VPS45: variants seen among roughly 807,000 people sequenced by gnomAD.
The protein encoded by VPS45 is vacuolar protein sorting-associated protein 45.
In VPS45, 35 loss-of-function variants were observed where a neutral mutation model predicts 75.9. The observed-to-expected ratio is 0.46, with a 90% CI of 0.35 to 0.61. The LOEUF (loss-of-function observed/expected upper bound fraction) is 0.61. VPS45 is among the 20% of genes least tolerant of loss of function. The pLI, the probability that VPS45 is intolerant of heterozygous loss-of-function variation, is 0.00. For missense variants in VPS45, 559 were observed against 685.9 expected (o/e 0.81, Z 2.07); for synonymous variants, 220 against 238.2 (o/e 0.92, Z 0.70).
chr1:150,144,455 G>A (rs1299296814), intron 14 of VPS45, among the ~76,000 whole-genome samples: 1 of 145,766 alleles, frequency 6.9e-6, no homozygotes, highest in Non-Finnish European at 1.5e-5. Flanking sequence ...TGAAATGTTA[G>A]TCTTAATAGA....
At chr1:150,133,396 A>G (rs1658924524) in intron 14 of VPS45, among the ~76,000 whole-genome samples, 1 of 151,914 alleles carries the variant, frequency 6.6e-6, no homozygotes, top group East Asian at 1.9e-4. Flanking sequence ...CTAAAAAAAA[A>G]TACAAAAATT....
At chr1:150,098,830 A>AC (rs1559919471) in intron 13 of VPS45, 1 of 1,242,754 alleles carries the variant, frequency 8.0e-7, no homozygotes. Flanking sequence ...TTTCAAGCTA[A>AC]TTTTTTTTTC....
rs186004551 is a variant in VPS45 at position 150,113,379 on chromosome 1, T to C, written c.1625+2752T>C. Among the ~76,000 whole-genome samples the C allele has an allele frequency of 7.2e-3, 1,098 of 152,276 alleles. 8 individuals carry two copies. The highest frequency in any genetic ancestry group is 0.012 in the Non-Finnish European group (786 of 68,018). On this transcript the variant is annotated intron_variant, in intron 14 of 14. Coordinates refer to ENST00000644510, the MANE Select transcript of VPS45 (RefSeq NM_007259.5). The stretch of plus-strand genomic sequence containing the variant: ...AGTTATTTCATTATGTACGGAAAAG[T>C]ATATAAATGATAAACAGCTCAGTAA...
chr1:150,122,088 A>G (rs1205335090), intron 14 of VPS45, among the ~76,000 whole-genome samples: 1 of 152,148 alleles, frequency 6.6e-6, no homozygotes, highest in Non-Finnish European at 1.5e-5. Context: ...TGGGGGGCCA[A>G]GGCGGCCGGA....
At chr1:150,069,559 C>T (rs1654921149) in intron 2 of VPS45, among the ~76,000 whole-genome samples, 1 of 150,008 alleles carries the variant, frequency 6.7e-6, no homozygotes, top group South Asian at 2.1e-4. Flanking sequence ...CGGGTTCACG[C>T]CATTCTCCTG....
intron 13 of VPS45, among the ~76,000 whole-genome samples, chr1:150,099,429 G>T (rs913114671): frequency 6.6e-6 from 1 of 151,432 alleles, no homozygotes; most frequent in African/African-American, 2.4e-5. Flanking sequence ...AGGAGAATTG[G>T]CTGAACCCGG....
At chr1:150,114,278 G>A (rs1657802409) in intron 14 of VPS45, among the ~76,000 whole-genome samples, 1 of 151,870 alleles carries the variant, frequency 6.6e-6, no homozygotes, top group Non-Finnish European at 1.5e-5. Context: ...TTCAAGACCA[G>A]CCTGGCCAAC....
chr1:150,075,605 T>A (rs1655331687), intron 3 of VPS45, among the ~76,000 whole-genome samples: 1 of 152,238 alleles, frequency 6.6e-6, no homozygotes, highest in Admixed American at 6.5e-5. Context: ...CATTTGTTAG[T>A]TATTGTTGAG....
rs1491137014 is a variant in VPS45 at position 150,140,387 on chromosome 1, G to GTT, written c.1626-4321_1626-4320insTT. On this transcript the variant is annotated intron_variant, in intron 14 of 14. Coordinates refer to ENST00000644510, the MANE Select transcript of VPS45 (RefSeq NM_007259.5). ...TTATATCCCAATTCCATCACTTCTG[G>GTT]TGTGTGTGTGTGTGTGTGTGTGTGT... 3.8e-3 allele frequency among the ~76,000 whole-genome samples: 112 copies of GTT among 29,466 alleles called. No individual in the cohort carries two copies. The African/African-American group carries it at 0.047, about 12-fold the overall frequency. 19.3% of individuals were successfully genotyped at this position (29,466 alleles called of 152,430 possible).
chr1:150,105,036 A>G (rs1174979950), intron 13 of VPS45, among the ~76,000 whole-genome samples: 1 of 152,202 alleles, frequency 6.6e-6, no homozygotes, highest in African/African-American at 2.4e-5. Context: ...CAGAGGTTGA[A>G]CTAATTTACA....
intron 10 of VPS45, among the ~76,000 whole-genome samples, chr1:150,086,688 A>G (rs1364183678): frequency 6.6e-6 from 1 of 152,158 alleles, no homozygotes; most frequent in African/African-American, 2.4e-5. Flanking sequence ...TTTTATGTTG[A>G]CTAGTCATTA....
intron 10 of VPS45, among the ~76,000 whole-genome samples, chr1:150,088,406 T>C (rs1325463190): frequency 6.7e-6 from 1 of 149,986 alleles, no homozygotes; most frequent in Non-Finnish European, 1.5e-5. Flanking sequence ...AATGACAGGA[T>C]TTTGTTCTAT....
At chr1:150,126,456 G>T (rs1330289381) in intron 14 of VPS45, among the ~76,000 whole-genome samples, 1 of 151,754 alleles carries the variant, frequency 6.6e-6, no homozygotes, top group South Asian at 2.1e-4. Context: ...CTCGTGATCC[G>T]CCCTCCTCGG....
intron 12 of VPS45, 47 bp downstream of exon 12, chr1:150,092,456 C>G (rs782113036): frequency 6.0e-6 from 9 of 1,492,544 alleles, no homozygotes; most frequent in Middle Eastern, 1.7e-4. Flanking sequence ...CAGTTGAAGT[C>G]CTTGAGGCTG....
At chr1:150,144,616 A>G (rs1553816120) in intron 14 of VPS45, 93 bp from the exon 15 acceptor site, 7 of 1,100,028 alleles carry the variant, frequency 6.4e-6, no homozygotes, top group Non-Finnish European at 9.1e-6. Flanking sequence ...TATTCATGAT[A>G]TATTTTCATC....
intron 10 of VPS45, among the ~76,000 whole-genome samples, 173 bp from the exon 11 acceptor site, chr1:150,091,764 C>G (rs185892551): frequency 2.6e-5 from 4 of 152,196 alleles, no homozygotes; most frequent in African/African-American, 7.2e-5. Context: ...TTAATTCTTA[C>G]CTTGGACAAA....
chr1:150,140,035 AG>A (rs1659301251), intron 14 of VPS45, among the ~76,000 whole-genome samples: 1 of 152,194 alleles, frequency 6.6e-6, no homozygotes, highest in Non-Finnish European at 1.5e-5. Context: ...CTGAGATTAC[AG>A]GCATGCACCA....
intron 14 of VPS45, among the ~76,000 whole-genome samples, chr1:150,133,958 G>A (rs782639364): frequency 6.6e-6 from 1 of 152,188 alleles, no homozygotes; most frequent in Non-Finnish European, 1.5e-5. Flanking sequence ...AGAGGAAATA[G>A]TGCCAAGGGC....
At chr1:150,123,943 C>T (rs918227562) in intron 14 of VPS45, among the ~76,000 whole-genome samples, 2 of 152,198 alleles carry the variant, frequency 1.3e-5, no homozygotes, top group Admixed American at 6.5e-5. Context: ...CAACAATTCT[C>T]TCGCTGCCAG....
Sources: allele counts gnomAD v4.1 joint callset (sites outside exome capture counted in the v4.1 genomes callset), GRCh38; gene constraint gnomAD v4.1.1; transcripts MANE v1.5; gene names NCBI Gene and HGNC (gene_info 2026-07-23, HGNC 2026-07-21).